Variants in FER observed in about 807,000 individuals in gnomAD.
FER encodes the protein FER tyrosine kinase.
A neutral mutation model predicts 111.0 loss-of-function variants in FER; 63 were observed. The observed-to-expected ratio is 0.57, with a 90% CI of 0.46 to 0.70. The LOEUF is 0.70. Ranked by LOEUF, FER falls within the 30% of genes least tolerant of loss-of-function variation. The pLI is 0.00. For synonymous variants in FER, 327 were observed against 313.9 expected (o/e 1.04, Z -0.44); for missense variants, 914 against 954.0 (o/e 0.96, Z 0.55).
At chr5:109,154,993 G>C (rs1755214082) in intron 17 of FER, among the ~76,000 whole-genome samples, 1 of 151,770 alleles carries the variant, frequency 6.6e-6, no homozygotes, top group African/African-American at 2.4e-5. Flanking sequence ...AAACCAGTGT[G>C]GGTTAATCTT....
At chr5:109,070,505 A>T (rs1775644920) in intron 16 of FER, among the ~76,000 whole-genome samples, 1 of 152,032 alleles carries the variant, frequency 6.6e-6, no homozygotes, top group African/African-American at 2.4e-5. Flanking sequence ...TGTGACGAGC[A>T]AGATAATAAC....
intron 13 of FER, among the ~76,000 whole-genome samples, chr5:109,016,312 TGACAGAATACTGGAG>T (rs1767112115): frequency 6.6e-6 from 1 of 151,992 alleles, no homozygotes; most frequent in Non-Finnish European, 1.5e-5. Flanking sequence ...CAAGGCCAGG[TGACAGAATACTGGAG>T]GATTAGTTTC....
intron 16 of FER, among the ~76,000 whole-genome samples, chr5:109,069,960 T>C (rs1187303617): frequency 6.6e-6 from 1 of 152,124 alleles, no homozygotes; most frequent in Non-Finnish European, 1.5e-5. Context: ...CACATAAGCT[T>C]AGACTATTGA....
At chr5:108,808,927 G>A (rs1205489670) in intron 3 of FER, among the ~76,000 whole-genome samples, 1 of 152,158 alleles carries the variant, frequency 6.6e-6, no homozygotes, top group Non-Finnish European at 1.5e-5. Context: ...AATCTTCCCT[G>A]GCTTAGAAGA....
intron 10 of FER, among the ~76,000 whole-genome samples, chr5:108,928,454 A>T (rs904490924): frequency 6.6e-6 from 1 of 152,204 alleles, no homozygotes; most frequent in Non-Finnish European, 1.5e-5. Context: ...TAAATTCGTG[A>T]GTTCTTGAAA....
rs186682257 is a variant in FER at position 108,855,537 on chromosome 5, C to T, written c.482-12230C>T. Among the ~76,000 whole-genome samples, 255 of 145,664 alleles carry T rather than the reference C, an allele frequency of 1.8e-3. 2 individuals carry two copies. Among genetic ancestry groups the T allele is most frequent in the African/African-American group, 6.2e-3 (243 of 38,928 alleles). ...TCGGGAGGCTGAGGCAGGAGAATGG[C>T]GTGAACCCGGGAGGCGGAACTTGCA... is the stretch of plus-strand genomic sequence containing the variant. On this transcript the variant is annotated intron_variant, in intron 5 of 19. Transcript: ENST00000281092.
intron 13 of FER, among the ~76,000 whole-genome samples, chr5:109,018,963 A>G (rs1767565833): frequency 1.3e-5 from 2 of 151,584 alleles, no homozygotes; most frequent in Admixed American, 6.6e-5. Flanking sequence ...TTAGGTAACA[A>G]AACAGATTGA....
intron 2 of FER, among the ~76,000 whole-genome samples, chr5:108,776,483 A>G (rs1753504657): frequency 1.3e-5 from 2 of 152,182 alleles, no homozygotes; most frequent in Admixed American, 6.5e-5. Flanking sequence ...TGGAGAATGT[A>G]AAAATTGCCA....
chr5:108,775,982 G>T (rs1324533180), intron 2 of FER, among the ~76,000 whole-genome samples: 1 of 152,168 alleles, frequency 6.6e-6, no homozygotes, highest in African/African-American at 2.4e-5. Context: ...TTCAAACACA[G>T]TCACTCTATT....
chr5:108,881,615 TG>T (rs1376915339), intron 8 of FER, among the ~76,000 whole-genome samples: 1 of 152,174 alleles, frequency 6.6e-6, no homozygotes, highest in Non-Finnish European at 1.5e-5. Context: ...ATATGGAGGC[TG>T]GGAAGCCCAA....
At chr5:108,766,235 A>G (rs568895309) in intron 1 of FER, among the ~76,000 whole-genome samples, 7 of 152,240 alleles carry the variant, frequency 4.6e-5, no homozygotes, top group Non-Finnish European at 1.0e-4. Flanking sequence ...TCTGGCCATC[A>G]TTAAAATTTT....
intron 17 of FER, among the ~76,000 whole-genome samples, chr5:109,109,895 A>G (rs1040222079): frequency 6.6e-6 from 1 of 152,104 alleles, no homozygotes; most frequent in African/African-American, 2.4e-5. Flanking sequence ...ACTCCCATTC[A>G]GGGTGTACTT....
chr5:108,790,051 T>A (rs946022549), intron 2 of FER, among the ~76,000 whole-genome samples: 1 of 152,190 alleles, frequency 6.6e-6, no homozygotes, highest in African/African-American at 2.4e-5. Context: ...ATTCGTTGGG[T>A]GCAATGGCTT....
chr5:109,115,902 C>T (rs975768903), intron 17 of FER, among the ~76,000 whole-genome samples: 1 of 151,916 alleles, frequency 6.6e-6, no homozygotes, highest in Non-Finnish European at 1.5e-5. Context: ...CTGTGGTAGG[C>T]GTAGTGTTAG....
chr5:108,997,059 T>C (rs952077220), intron 13 of FER, among the ~76,000 whole-genome samples: 1 of 152,030 alleles, frequency 6.6e-6, no homozygotes, highest in Non-Finnish European at 1.5e-5. Flanking sequence ...TTTGGCTCTC[T>C]GTCTGTTATT....
At chr5:109,046,896 G>T (rs539841920) in intron 15 of FER, among the ~76,000 whole-genome samples, 1 of 151,968 alleles carries the variant, frequency 6.6e-6, no homozygotes, top group East Asian at 1.9e-4. Flanking sequence ...CTGTATCCAC[G>T]GGGGTCCTGG....
chr5:108,948,712 T>C (rs1397233894), intron 11 of FER, among the ~76,000 whole-genome samples: 2 of 152,112 alleles, frequency 1.3e-5, no homozygotes, highest in Non-Finnish European at 2.9e-5. Flanking sequence ...TTGCCCTTTT[T>C]CTAGGGCCAT....
At chr5:109,104,144 G>C (rs981119666) in intron 17 of FER, among the ~76,000 whole-genome samples, 7 of 152,090 alleles carry the variant, frequency 4.6e-5, no homozygotes, top group Non-Finnish European at 4.4e-5. Context: ...TTCATGTTTG[G>C]TTGCTCTAAC....
intron 10 of FER, among the ~76,000 whole-genome samples, chr5:108,935,814 C>T (rs1755385818): frequency 6.6e-6 from 1 of 152,028 alleles, no homozygotes; most frequent in African/African-American, 2.4e-5. Flanking sequence ...GAGTTAGAGT[C>T]AAAGCCAGGC....
Sources: gnomAD v4.1 joint callset for allele counts (sites outside exome capture counted in the v4.1 genomes callset) on GRCh38, gnomAD v4.1.1 for gene constraint, MANE v1.5 for transcripts, NCBI Gene and HGNC (gene_info 2026-07-23, HGNC 2026-07-21) for gene names.